Variants in EBF1 observed in about 807,000 individuals in gnomAD.
EBF1 encodes the protein transcription factor COE1.
A neutral mutation model predicts 68.4 loss-of-function variants in EBF1; 10 were observed. That is an observed-to-expected ratio of 0.15 (90% CI 0.09 to 0.25). EBF1 has a LOEUF of 0.25. Ranked by LOEUF, EBF1 falls within the 10% of genes least tolerant of loss-of-function variation. EBF1 has a pLI of 1.00. For synonymous variants in EBF1, 298 were observed against 299.8 expected (o/e 0.99, Z 0.06); for missense variants, 509 against 794.4 (o/e 0.64, Z 4.32).
intron 10 of EBF1, among the ~76,000 whole-genome samples, chr5:158,764,713 C>A (rs1012644674): frequency 4.6e-5 from 7 of 151,994 alleles, no homozygotes; most frequent in African/African-American, 9.7e-5. Context: ...TTCTAGAAGC[C>A]CCCAGTCTAA....
chr5:158,963,962 G>C (rs147299239), intron 6 of EBF1, among the ~76,000 whole-genome samples: 1 of 152,274 alleles, frequency 6.6e-6, no homozygotes, highest in East Asian at 1.9e-4. Flanking sequence ...GAGTTACATG[G>C]TAAACTGTTA....
chr5:158,921,367 G>A (rs1285808383), intron 6 of EBF1, among the ~76,000 whole-genome samples: 3 of 152,258 alleles, frequency 2.0e-5, no homozygotes, highest in Admixed American at 6.5e-5. Context: ...CTCTCATTTG[G>A]CCTCAGTTAT....
chr5:158,720,249 T>C (rs952853704), intron 11 of EBF1, among the ~76,000 whole-genome samples: 3 of 152,174 alleles, frequency 2.0e-5, no homozygotes, highest in Non-Finnish European at 4.4e-5. Context: ...TCCTGGATCT[T>C]TCCCCACTGA....
intron 5 of EBF1, 125 bp from the exon 6 acceptor site, chr5:159,073,589 T>G (rs1778214917): frequency 1.0e-6 from 1 of 980,490 alleles, no homozygotes; most frequent in Non-Finnish European, 1.6e-6. Flanking sequence ...TACCTGGCAA[T>G]CAACGGATCC....
intron 6 of EBF1, among the ~76,000 whole-genome samples, chr5:158,934,659 G>C (rs887344407): frequency 6.6e-6 from 1 of 152,162 alleles, no homozygotes; most frequent in African/African-American, 2.4e-5. Context: ...TTTTTCCTCT[G>C]TTAATTTCAT....
At chr5:158,912,386 T>C (rs2127368072) in intron 6 of EBF1, among the ~76,000 whole-genome samples, 1 of 152,348 alleles carries the variant, frequency 6.6e-6, no homozygotes, top group Non-Finnish European at 1.5e-5. Flanking sequence ...TGAACTACTT[T>C]CTAATTACTT....
At chr5:159,023,315 T>C (rs889664144) in intron 6 of EBF1, among the ~76,000 whole-genome samples, 1 of 152,194 alleles carries the variant, frequency 6.6e-6, no homozygotes, top group Non-Finnish European at 1.5e-5. Context: ...AAAAACCTTA[T>C]GAAAAACAAA....
chr5:159,023,935 T>C (rs1198517666), intron 6 of EBF1, among the ~76,000 whole-genome samples: 1 of 152,210 alleles, frequency 6.6e-6, no homozygotes, highest in Non-Finnish European at 1.5e-5. Flanking sequence ...ATGTTCTCTT[T>C]AACAACTCAC....
intron 6 of EBF1, among the ~76,000 whole-genome samples, chr5:159,020,902 A>G (rs1348704784): frequency 6.6e-6 from 1 of 152,266 alleles, no homozygotes; most frequent in Non-Finnish European, 1.5e-5. Flanking sequence ...GAAGACATAT[A>G]TAGTATAATA....
intron 11 of EBF1, among the ~76,000 whole-genome samples, chr5:158,725,571 G>A (rs527265016): frequency 6.6e-6 from 1 of 152,236 alleles, no homozygotes; most frequent in Non-Finnish European, 1.5e-5. Context: ...GACAGCAGAT[G>A]ACTTAAGCTA....
At chr5:158,782,660 G>GA (rs1184692641) in intron 9 of EBF1, among the ~76,000 whole-genome samples, 1 of 151,770 alleles carries the variant, frequency 6.6e-6, no homozygotes, top group East Asian at 1.9e-4. Context: ...GACTGTCTCA[G>GA]AAAAAATAAT....
At chr5:158,892,580 G>A (rs757738125) in intron 6 of EBF1, among the ~76,000 whole-genome samples, 3 of 152,130 alleles carry the variant, frequency 2.0e-5, no homozygotes, top group East Asian at 1.9e-4. Flanking sequence ...CGATGGGGTC[G>A]CAGTCAAAAC....
intron 9 of EBF1, among the ~76,000 whole-genome samples, chr5:158,784,914 T>C (rs1777111446): frequency 6.6e-6 from 1 of 152,150 alleles, no homozygotes; most frequent in Non-Finnish European, 1.5e-5. Context: ...TTTACTAATC[T>C]TATACTGCAC....
intron 5 of EBF1, among the ~76,000 whole-genome samples, chr5:159,081,442 A>T (rs1368702953): frequency 6.6e-6 from 1 of 152,244 alleles, no homozygotes; most frequent in Non-Finnish European, 1.5e-5. Context: ...GACTATCTGC[A>T]GTTTCAGGCA....
At chr5:159,061,356 A>G (rs1386864099) in intron 6 of EBF1, among the ~76,000 whole-genome samples, 1 of 151,988 alleles carries the variant, frequency 6.6e-6, no homozygotes, top group East Asian at 1.9e-4. Flanking sequence ...CCTGCCATCT[A>G]TGACTGCACA....
intron 9 of EBF1, among the ~76,000 whole-genome samples, chr5:158,785,026 T>G (rs993068292): frequency 6.6e-6 from 1 of 152,178 alleles, no homozygotes; most frequent in Non-Finnish European, 1.5e-5. Flanking sequence ...CCAGATTAAT[T>G]TTTTAATTTA....
intron 15 of EBF1, chr5:158,707,587 C>T (rs1354608312): frequency 5.1e-5 from 13 of 255,778 alleles, no homozygotes; most frequent in South Asian, 2.4e-4. Flanking sequence ...AGGCCAGTCC[C>T]GGGAGAGACC....
chr5:159,080,758 G>A (rs55966820), intron 5 of EBF1, among the ~76,000 whole-genome samples: 1 of 152,168 alleles, frequency 6.6e-6, no homozygotes, highest in Non-Finnish European at 1.5e-5. Context: ...TCTGAGATAA[G>A]TAATATTATC....
chr5:158,865,378 C>G (rs1446592780), intron 6 of EBF1, among the ~76,000 whole-genome samples: 1 of 152,160 alleles, frequency 6.6e-6, no homozygotes, highest in East Asian at 1.9e-4. Flanking sequence ...GTCACTTAAC[C>G]TTTCTAAGCC....
Sources: allele counts gnomAD v4.1 joint callset (sites outside exome capture counted in the v4.1 genomes callset), GRCh38; gene constraint gnomAD v4.1.1; transcripts MANE v1.5; gene names NCBI Gene and HGNC (gene_info 2026-07-23, HGNC 2026-07-21).